PXDC1: variants seen among roughly 807,000 people sequenced by gnomAD.
The protein encoded by PXDC1 is PX domain-containing protein 1.
PXDC1 carries 13 observed loss-of-function variants against 24.4 expected under a neutral mutation model. The observed-to-expected ratio is 0.53, with a 90% CI of 0.35 to 0.85. PXDC1 has a LOEUF of 0.85. Ranked by LOEUF, PXDC1 falls within the 40% of genes least tolerant of loss-of-function variation. The pLI, the probability that PXDC1 is intolerant of heterozygous loss-of-function variation, is 0.01. For missense variants in PXDC1, 344 were observed against 309.3 expected, an observed-to-expected ratio of 1.11 and a Z score of -0.84; for synonymous variants, 162 against 124.9, an observed-to-expected ratio of 1.30 and a Z score of -1.98.
At chr6:3,738,801 C>T (rs1340294280) in intron 1 of PXDC1, 1 of 1,302,808 alleles carries the variant, frequency 7.7e-7, no homozygotes, top group Non-Finnish European at 1.0e-6. Context: ...AATACCATAG[C>T]TCGAGGCATG....
intron 1 of PXDC1, among the ~76,000 whole-genome samples, chr6:3,749,845 G>A (rs1380842152): frequency 6.6e-6 from 1 of 152,164 alleles, no homozygotes; most frequent in Non-Finnish European, 1.5e-5. Context: ...TGAAGCTCAG[G>A]GACTCCAGTG....
intron 1 of PXDC1, among the ~76,000 whole-genome samples, chr6:3,748,553 C>G (rs980138937): frequency 1.3e-5 from 2 of 152,128 alleles, no homozygotes; most frequent in African/African-American, 4.8e-5. Context: ...CTCCAAGCAC[C>G]ACTCCACAGT....
chr6:3,735,624 CAGGGAA>C (rs1223156281), intron 3 of PXDC1, among the ~76,000 whole-genome samples: 4 of 152,102 alleles, frequency 2.6e-5, no homozygotes, highest in Non-Finnish European at 4.4e-5. Context: ...CAGCGGTGGA[CAGGGAA>C]AGGCTGGTCA....
chr6:3,740,022 A>G (rs1203534020), intron 1 of PXDC1, among the ~76,000 whole-genome samples: 1 of 152,232 alleles, frequency 6.6e-6, no homozygotes, highest in Non-Finnish European at 1.5e-5. Flanking sequence ...GTTATATTTC[A>G]ACTTTCATTA....
chr6:3,734,596 C>T (rs1760273558), intron 3 of PXDC1, among the ~76,000 whole-genome samples: 1 of 152,104 alleles, frequency 6.6e-6, no homozygotes, highest in Non-Finnish European at 1.5e-5. Context: ...CCCAGTCATC[C>T]TCACTCTCCC....
intron 1 of PXDC1, chr6:3,751,028 T>G: frequency 2.2e-6 from 1 of 449,214 alleles, no homozygotes. Context: ...CCTGCCGGCC[T>G]CGGCCCCTTT....
At position 3,737,286 on chromosome 6, in the gene PXDC1, G is replaced by A; in HGVS notation, c.349-90C>T. 2 of 887,438 alleles carry A rather than the reference G, an allele frequency of 2.3e-6. No homozygotes were observed. Among genetic ancestry groups the A allele is most frequent in the Non-Finnish European group, 3.7e-6 (2 of 539,224 alleles). The allele number at this position is 887,438 out of a possible 1,614,324, so 55.0% of individuals were successfully genotyped here. ...CAAGAGAGGGCCCCGCTCCTCCGCA[G>A]AGGCAGCCTGTGTGATGCAAACGCC... On this transcript the variant is annotated intron_variant, in intron 2 of 4. Coordinates refer to ENST00000380283, the MANE Select transcript of PXDC1 (RefSeq NM_183373.4). This position sits in a 1 kb window ranked among gnomAD's most constrained non-coding sequence, Gnocchi z 5.5.
rs1254718245 is a variant in PXDC1, at chr6:3,751,699, G to A, written c.-168C>T. ...TGGCCCGCGTTCGGGGCAGCGGGGC[G>A]GCGCGGCGGCGAGTGGCTCGGGCCG... On this transcript the variant is annotated 5_prime_UTR_variant, in exon 1 of 5. Transcript: ENST00000380283. The A allele has an allele frequency of 5.7e-6, 6 of 1,046,114 alleles. No individual in the cohort carries two copies. The African/African-American group carries it at 8.8e-5, about 15-fold the overall frequency. 64.8% of individuals were successfully genotyped at this position (1,046,114 alleles called of 1,614,324 possible).
At chr6:3,746,383 G>A (rs1047551333) in intron 1 of PXDC1, among the ~76,000 whole-genome samples, 2 of 152,222 alleles carry the variant, frequency 1.3e-5, no homozygotes, top group African/African-American at 4.8e-5. Flanking sequence ...GAAGAAAGAG[G>A]AAGAGGAGGC....
intron 4 of PXDC1, among the ~76,000 whole-genome samples, chr6:3,726,924 T>C (rs1760082065): frequency 6.6e-6 from 1 of 152,204 alleles, no homozygotes; most frequent in South Asian, 2.1e-4. Context: ...CTTTCTGAGC[T>C]CATACAGCCA....
intron 1 of PXDC1, among the ~76,000 whole-genome samples, chr6:3,750,916 G>C (rs890461414): frequency 4.0e-5 from 6 of 151,868 alleles, no homozygotes; most frequent in African/African-American, 1.5e-4. Context: ...GGGAGGTACC[G>C]GGCAGGGGGC....
At chr6:3,735,890 T>G (rs1015942689) in intron 3 of PXDC1, among the ~76,000 whole-genome samples, 6 of 152,186 alleles carry the variant, frequency 3.9e-5, no homozygotes, top group African/African-American at 1.4e-4. Context: ...AATAATTATG[T>G]GTCAGTAAAA....
chr6:3,729,350 T>C (rs929231717), intron 3 of PXDC1, among the ~76,000 whole-genome samples: 4 of 152,148 alleles, frequency 2.6e-5, no homozygotes, highest in Admixed American at 2.6e-4. Context: ...TCGCCCCCCA[T>C]AGGATCAAAA....
chr6:3,745,666 G>C (rs116511551), intron 1 of PXDC1, among the ~76,000 whole-genome samples: 20 of 152,190 alleles, frequency 1.3e-4, no homozygotes, highest in Non-Finnish European at 2.4e-4. Flanking sequence ...TGTGTCCCAG[G>C]TGGTTGACCC....
At chr6:3,734,409 A>G (rs1292623962) in intron 3 of PXDC1, among the ~76,000 whole-genome samples, 1 of 152,136 alleles carries the variant, frequency 6.6e-6, no homozygotes, top group African/African-American at 2.4e-5. Flanking sequence ...ACAGAGCAAA[A>G]CAAACCAAAA....
At chr6:3,746,708 G>C (rs1037439305) in intron 1 of PXDC1, among the ~76,000 whole-genome samples, 1 of 152,112 alleles carries the variant, frequency 6.6e-6, no homozygotes, top group Non-Finnish European at 1.5e-5. Flanking sequence ...GATCATTTCT[G>C]AGCCACTGTC....
intron 3 of PXDC1, among the ~76,000 whole-genome samples, chr6:3,735,507 C>A (rs1760294156): frequency 6.6e-6 from 1 of 152,176 alleles, no homozygotes; most frequent in Admixed American, 6.5e-5. Context: ...ATAAGCTAGG[C>A]ACAGAAAGAC....
chr6:3,727,390 T>G (rs1760091675), intron 4 of PXDC1, among the ~76,000 whole-genome samples, 161 bp downstream of exon 4: 1 of 152,130 alleles, frequency 6.6e-6, no homozygotes, highest in Admixed American at 6.5e-5. Context: ...CTCACCAGAC[T>G]CTAGGAAAGG....
At chr6:3,738,265 G>A (rs1040513632) in intron 1 of PXDC1, 117 bp from the exon 2 acceptor site, 7 of 773,660 alleles carry the variant, frequency 9.0e-6, no homozygotes, top group Admixed American at 3.9e-5. Context: ...ATGAGATGTC[G>A]GGAACATTCA....
Sources: allele counts gnomAD v4.1 joint callset (sites outside exome capture counted in the v4.1 genomes callset), GRCh38; gene constraint gnomAD v4.1.1; non-coding constraint Gnocchi (gnomAD v3.1); transcripts MANE v1.5; gene names NCBI Gene and HGNC (gene_info 2026-07-23, HGNC 2026-07-21).